GNAL: variants seen among roughly 807,000 people sequenced by gnomAD.
GNAL encodes guanine nucleotide-binding protein G(olf) subunit alpha.
GNAL carries 18 observed loss-of-function variants against 55.1 expected under a neutral mutation model. The ratio of observed to expected loss-of-function variants is 0.33; its 90% confidence interval spans 0.23 to 0.48. The LOEUF (loss-of-function observed/expected upper bound fraction) is 0.48, where lower values mean the gene tolerates loss of function less well. GNAL is among the 20% of genes least tolerant of loss of function. GNAL has a pLI of 0.99. For synonymous variants in GNAL, 253 were observed against 237.0 expected, an observed-to-expected ratio of 1.07 and a Z score of -0.62; for missense variants, 412 against 614.1, an observed-to-expected ratio of 0.67 and a Z score of 3.48.
At chr18:11,735,540 C>T (rs2032441669) in intron 1 of GNAL, among the ~76,000 whole-genome samples, 1 of 151,896 alleles carries the variant, frequency 6.6e-6, no homozygotes, top group African/African-American at 2.4e-5. Context: ...CACTTGAGCC[C>T]AGGAGTTCGA....
chr18:11,814,121 C>T (rs2034892357), intron 4 of GNAL, among the ~76,000 whole-genome samples: 1 of 152,136 alleles, frequency 6.6e-6, no homozygotes, highest in East Asian at 1.9e-4. Flanking sequence ...ATATTTTTTA[C>T]TAAGTGGTAG....
chr18:11,746,232 G>A, intron 1 of GNAL: 1 of 498,604 alleles, frequency 2.0e-6, no homozygotes, highest in Middle Eastern at 3.5e-4. Flanking sequence ...CATGCCTTCT[G>A]TAACAATGTG....
chr18:11,809,739 GACAA>G (rs1336368078), intron 4 of GNAL, among the ~76,000 whole-genome samples: 6 of 152,002 alleles, frequency 3.9e-5, no homozygotes, highest in East Asian at 1.9e-4. Context: ...TCTCAAAAAA[GACAA>G]ACAGACAAAA....
chr18:11,693,565 G>T (rs2031317384), intron 1 of GNAL, among the ~76,000 whole-genome samples: 1 of 152,086 alleles, frequency 6.6e-6, no homozygotes, highest in Non-Finnish European at 1.5e-5. Context: ...TCAGAAATAT[G>T]ACTTATTGAC....
intron 5 of GNAL, chr18:11,851,690 A>C (rs1193387832): frequency 1.9e-6 from 3 of 1,614,040 alleles, no homozygotes; most frequent in Non-Finnish European, 2.5e-6. Context: ...CGCCAGAAGA[A>C]CCAGGCGGTG....
At chr18:11,824,356 T>C (rs1568043915) in intron 4 of GNAL, among the ~76,000 whole-genome samples, 1 of 152,124 alleles carries the variant, frequency 6.6e-6, no homozygotes, top group African/African-American at 2.4e-5. Context: ...GTATTAACTT[T>C]GATGTAATTT....
chr18:11,833,277 C>A (rs368169076), intron 5 of GNAL, among the ~76,000 whole-genome samples: 3 of 152,120 alleles, frequency 2.0e-5, no homozygotes, highest in Non-Finnish European at 2.9e-5. Context: ...GTGTTCTCCC[C>A]ACCTTGGCTC....
chr18:11,790,737 A>C (rs2034212038), intron 4 of GNAL, among the ~76,000 whole-genome samples: 1 of 145,062 alleles, frequency 6.9e-6, no homozygotes, highest in African/African-American at 2.5e-5. Flanking sequence ...TCTCACTGCA[A>C]GCTCTGCCTC....
At chr18:11,878,981 A>G (rs555672662) in intron 11 of GNAL, among the ~76,000 whole-genome samples, 13 of 151,604 alleles carry the variant, frequency 8.6e-5, no homozygotes, top group Admixed American at 2.0e-4. Flanking sequence ...GGGGAGGGAT[A>G]GCATTAGGAG....
In GNAL at chr18:11,817,838, C is replaced by G. The variant is rs373585529; in HGVS notation, c.625-7080C>G. 2.1e-4 allele frequency among the ~76,000 whole-genome samples: 32 copies of G among 152,186 alleles called. 1 individual carries two copies. The East Asian group carries it at 4.7e-3, about 22-fold the overall frequency. Reference sequence around the variant, plus strand: ...TCCTGGGCTCTGGTGATCCGCCCGCCTCAGCCTCCCAAAGTGTCGGTATTA... The same window carrying G: ...TCCTGGGCTCTGGTGATCCGCCCGCGTCAGCCTCCCAAAGTGTCGGTATTA... On this transcript the variant is annotated intron_variant, in intron 4 of 11. Coordinates refer to ENST00000334049, the MANE Select transcript of GNAL (RefSeq NM_182978.4).
At chr18:11,743,779 C>T (rs2032629984) in intron 1 of GNAL, among the ~76,000 whole-genome samples, 1 of 152,300 alleles carries the variant, frequency 6.6e-6, no homozygotes, top group Middle Eastern at 3.4e-3. Flanking sequence ...CTGATTTTCA[C>T]TGTTCAAATG....
intron 5 of GNAL, among the ~76,000 whole-genome samples, chr18:11,850,788 A>C (rs2035838561): frequency 6.6e-6 from 1 of 152,218 alleles, no homozygotes; most frequent in Non-Finnish European, 1.5e-5. Context: ...CTGAACTTCC[A>C]GACAAAGTAT....
chr18:11,821,657 C>G (rs1345063806), intron 4 of GNAL, among the ~76,000 whole-genome samples: 1 of 152,218 alleles, frequency 6.6e-6, no homozygotes, highest in East Asian at 1.9e-4. Flanking sequence ...TGAGCTGAGG[C>G]CTGGGGGCGC....
chr18:11,873,268 A>G (rs2036440487), intron 10 of GNAL, among the ~76,000 whole-genome samples: 1 of 152,260 alleles, frequency 6.6e-6, no homozygotes. Context: ...AGGGAAAAGA[A>G]AACTTGCATT....
chr18:11,723,011 CAAAAAAA>C (rs61457198), intron 1 of GNAL, among the ~76,000 whole-genome samples: 1,788 of 80,000 alleles, frequency 0.022, 15 homozygotes, highest in Non-Finnish European at 0.031. Flanking sequence ...AACTTCATCT[CAAAAAAA>C]AAAAAAAAAA....
intron 1 of GNAL, among the ~76,000 whole-genome samples, chr18:11,704,250 C>T (rs920866275): frequency 1.3e-5 from 2 of 152,180 alleles, no homozygotes; most frequent in African/African-American, 2.4e-5. Flanking sequence ...CATCGTGGAT[C>T]CCACATATGG....
At chr18:11,778,928 C>G (rs1468038684) in intron 4 of GNAL, among the ~76,000 whole-genome samples, 3 of 151,990 alleles carry the variant, frequency 2.0e-5, no homozygotes, top group Admixed American at 2.0e-4. Flanking sequence ...ACTCTGAAGA[C>G]AGGAAAACAA....
chr18:11,707,234 C>T (rs1417332643), intron 1 of GNAL, among the ~76,000 whole-genome samples: 1 of 152,174 alleles, frequency 6.6e-6, no homozygotes. Flanking sequence ...GTCTATGGCA[C>T]TTATAGCGCT....
intron 11 of GNAL, among the ~76,000 whole-genome samples, chr18:11,878,970 T>C (rs593091): frequency 2.8e-5 from 4 of 141,536 alleles, no homozygotes; most frequent in Non-Finnish European, 6.1e-5. Flanking sequence ...GTTGGAGGAG[T>C]GGGGAGGGAT....
Sources: gnomAD v4.1 joint callset for allele counts (sites outside exome capture counted in the v4.1 genomes callset) on GRCh38, gnomAD v4.1.1 for gene constraint, MANE v1.5 for transcripts, NCBI Gene and HGNC (gene_info 2026-07-23, HGNC 2026-07-21) for gene names.